The following STON2 variants were observed in gnomAD, a reference collection of about 807,000 sequenced individuals.
STON2 encodes stonin 2.
A neutral mutation model predicts 65.7 loss-of-function variants in STON2; 29 were observed. The ratio of observed to expected loss-of-function variants is 0.44; its 90% CI spans 0.33 to 0.60. The LOEUF (loss-of-function observed/expected upper bound fraction) is 0.60. STON2 is among the 20% of genes least tolerant of loss of function. The probability of loss-of-function intolerance (pLI) is 0.03; values close to 1 mark genes in which losing one functional copy is unlikely to be tolerated. For missense variants in STON2, 1,054 were observed against 1,118.1 expected (o/e 0.94, Z 0.82); for synonymous variants, 404 against 414.2 (o/e 0.98, Z 0.30).
chr14:81,269,270 G>C (rs2140096319), intron 7 of STON2: 1 of 959,994 alleles, frequency 1.0e-6, no homozygotes, highest in South Asian at 4.8e-5. Context: ...CCTCCCAAAG[G>C]TCTGGGATTA....
In STON2 at chr14:81,276,890, C is replaced by T. The variant is rs755476074; in HGVS notation, c.2581+11G>A. On this transcript the variant is annotated intron_variant, in intron 6 of 7. Coordinates refer to ENST00000614646, the MANE Select transcript of STON2 (RefSeq NM_001394390.1). The stretch of plus-strand genomic sequence containing the variant: ...TATGTTTGTTTTCACAGAAGAGGAA[C>T]CACCACCCACCTGAGTTTTTGTCCG... 1 of 1,602,030 alleles carries T rather than the reference C, an allele frequency of 6.2e-7. No homozygotes were observed. The highest frequency in any genetic ancestry group is 1.1e-5 in the South Asian group (1 of 89,782).
At chr14:81,379,768 G>A (rs1412820893) in intron 3 of STON2, among the ~76,000 whole-genome samples, 6 of 152,138 alleles carry the variant, frequency 3.9e-5, no homozygotes, top group Admixed American at 1.3e-4. Context: ...TCAATAAATG[G>A]TGTTGAGAAA....
intron 2 of STON2, among the ~76,000 whole-genome samples, chr14:81,397,232 C>T (rs1455337634): frequency 6.6e-6 from 1 of 152,050 alleles, no homozygotes; most frequent in East Asian, 1.9e-4. Context: ...GCCAACCGGT[C>T]CATCTGCAAG....
At chr14:81,352,341 C>T (rs966901652) in intron 4 of STON2, among the ~76,000 whole-genome samples, 12 of 152,292 alleles carry the variant, frequency 7.9e-5, no homozygotes, top group African/African-American at 2.9e-4. Flanking sequence ...GAAGGTACTG[C>T]TAATGTTACT....
At chr14:81,346,176 AT>A (rs1178435877) in intron 4 of STON2, among the ~76,000 whole-genome samples, 3 of 152,148 alleles carry the variant, frequency 2.0e-5, no homozygotes, top group African/African-American at 7.2e-5. Flanking sequence ...ATTAACTCTC[AT>A]TTTTTGGGAA....
intron 1 of STON2, chr14:81,427,378 A>G (rs1902029536): frequency 6.6e-6 from 1 of 152,228 alleles, no homozygotes; most frequent in South Asian, 2.1e-4. Flanking sequence ...CCCTGGGCCC[A>G]GGAGCACTGT....
chr14:81,266,483 T>A lies in STON2; in HGVS notation c.*1931A>T, dbSNP rs1894362932. The A allele has an allele frequency of 5.9e-6, 1 of 169,538 alleles. No individual in the cohort carries two copies. Among genetic ancestry groups the A allele is most frequent in the African/African-American group, 2.4e-5 (1 of 41,742 alleles). The allele number at this position is 169,538 out of a possible 1,614,324, so 10.5% of individuals were successfully genotyped here. Reference sequence around the variant, plus strand: ...ACTCCCTTTCCAGCTATACCTTCTGTTCCTTCAGGGAAGCTACTCCCTTGT... The same window carrying A: ...ACTCCCTTTCCAGCTATACCTTCTGATCCTTCAGGGAAGCTACTCCCTTGT... On this transcript the variant is annotated 3_prime_UTR_variant, in exon 8 of 8. Transcript: ENST00000614646.
At chr14:81,349,348 G>A (rs1022298698) in intron 4 of STON2, among the ~76,000 whole-genome samples, 2 of 151,938 alleles carry the variant, frequency 1.3e-5, no homozygotes, top group Non-Finnish European at 2.9e-5. Context: ...ATCTGAGAAG[G>A]GACTAATACT....
At chr14:81,281,392 G>C (rs1325365369) in intron 5 of STON2, among the ~76,000 whole-genome samples, 2 of 152,174 alleles carry the variant, frequency 1.3e-5, no homozygotes, top group African/African-American at 4.8e-5. Context: ...AGAGAACTGG[G>C]AAAGGGGTAC....
At position 81,265,051 on chromosome 14, in the gene STON2, T is replaced by C. The variant is rs1278088063; in HGVS notation, c.*3363A>G. The C allele has an allele frequency of 5.1e-6, 5 of 981,804 alleles. No homozygotes were observed. Among genetic ancestry groups the C allele is most frequent in the Admixed American group, 6.1e-5 (1 of 16,264 alleles). 60.8% of individuals were successfully genotyped at this position (981,804 alleles called of 1,614,324 possible). On this transcript the variant is annotated 3_prime_UTR_variant, in exon 8 of 8. Transcript: ENST00000614646. ...ATTCATTTTTAATATTTTCACATTA[T>C]TGATAACAAAGATTATTTGTGACCA...
intron 3 of STON2, among the ~76,000 whole-genome samples, chr14:81,378,635 CAT>C (rs1337600057): frequency 2.0e-5 from 3 of 152,206 alleles, no homozygotes; most frequent in Non-Finnish European, 4.4e-5. Flanking sequence ...TAATGCTACA[CAT>C]ATATTTTGTT....
At chr14:81,425,221 G>A (rs916326817) in intron 2 of STON2, among the ~76,000 whole-genome samples, 1 of 152,194 alleles carries the variant, frequency 6.6e-6, no homozygotes, top group African/African-American at 2.4e-5. Context: ...TATTTGCTAA[G>A]TGAAATAAAA....
intron 2 of STON2, among the ~76,000 whole-genome samples, chr14:81,421,063 A>G (rs1901681456): frequency 6.6e-6 from 1 of 152,186 alleles, no homozygotes. Context: ...CCTGAGATTC[A>G]GCATTAATGT....
intron 5 of STON2, among the ~76,000 whole-genome samples, chr14:81,323,044 A>C (rs1261356327): frequency 6.6e-6 from 1 of 152,178 alleles, no homozygotes; most frequent in Admixed American, 6.5e-5. Flanking sequence ...TCACACTCTG[A>C]TGTAATTCCT....
Position 81,396,112 on chromosome 14 carries a change from T to A in STON2, c.155A>T (p.Glu52Val), listed in dbSNP as rs1379845744. ...AGAGCCTCCATCCACCACATGGTTC[T>A]CCCCGGAGGAGCTCTCGGACTGGTC... is the stretch of plus-strand genomic sequence containing the variant. ...SPDQSESSSG[E>V]NHVVDGGSQD... The change falls in exon 3 of 8, where the codon GAG becomes GTG. Residue 52 changes from glutamate (E) to valine (V), a missense_variant. Coordinates refer to ENST00000614646, the MANE Select transcript of STON2 (RefSeq NM_001394390.1). 3.7e-6 allele frequency: 6 copies of A among 1,613,994 alleles called. No homozygotes were observed. Among genetic ancestry groups the A allele is most frequent in the Non-Finnish European group, 5.1e-6 (6 of 1,180,026 alleles).
chr14:81,335,579 C>T (rs185166242), intron 4 of STON2, among the ~76,000 whole-genome samples: 7 of 152,234 alleles, frequency 4.6e-5, no homozygotes, highest in African/African-American at 1.7e-4. Flanking sequence ...CAGGAAAAGT[C>T]ACACACCTAC....
chr14:81,310,677 T>A (rs188076792), intron 5 of STON2, among the ~76,000 whole-genome samples: 2 of 152,280 alleles, frequency 1.3e-5, no homozygotes, highest in Admixed American at 1.3e-4. Context: ...CAATTATCTC[T>A]CCTATTTTGT....
At chr14:81,323,100 A>T (rs548685102) in intron 5 of STON2, among the ~76,000 whole-genome samples, 1 of 152,340 alleles carries the variant, frequency 6.6e-6, no homozygotes, top group South Asian at 2.1e-4. Flanking sequence ...ATGTTTATGA[A>T]TATCTTCCCA....
Position 81,341,453 on chromosome 14 carries a change from TTTTG to T in STON2, c.572-17270_572-17267del, listed in dbSNP as rs1238159223. ...TTTCCTCATTTTATAAGTGTTTTTTTTTTGTTTTTTTTTTTTCCCAAAAGTCTGG... is the reference window on the plus strand; with the variant it reads ...TTTCCTCATTTTATAAGTGTTTTTTTTTTTTTTTTTTTCCCAAAAGTCTGG... On this transcript the variant is annotated intron_variant, in intron 4 of 7. Transcript: ENST00000614646. 2.6e-4 allele frequency among the ~76,000 whole-genome samples: 32 copies of T among 123,038 alleles called. 1 individual carries two copies. The highest frequency in any genetic ancestry group is 1.3e-3 in the African/African-American group (31 of 24,468). 80.7% of individuals were successfully genotyped at this position (123,038 alleles called of 152,430 possible).
Sources: gnomAD v4.1 joint callset for allele counts (sites outside exome capture counted in the v4.1 genomes callset) on GRCh38, gnomAD v4.1.1 for gene constraint, MANE v1.5 for transcripts, NCBI Gene and HGNC (gene_info 2026-07-23, HGNC 2026-07-21) for gene names.